Variants in WDR49 observed in about 807,000 individuals in gnomAD.
WDR49 encodes WD repeat domain 49.
Under a neutral mutation model 119.5 loss-of-function variants are expected in WDR49, and 107 were observed. The observed-to-expected ratio is 0.90, with a 90% CI of 0.77 to 1.05. The LOEUF (loss-of-function observed/expected upper bound fraction) is 1.05, where lower values mean the gene tolerates loss of function less well. Among genes scored for constraint, WDR49 ranks in the 50% least tolerant of loss-of-function variants. The pLI, the probability that WDR49 is intolerant of heterozygous loss-of-function variation, is 0.00. For missense variants in WDR49, 1,240 were observed against 1,220.5 expected, an observed-to-expected ratio of 1.02 and a Z score of -0.24; for synonymous variants, 425 against 418.8, an observed-to-expected ratio of 1.01 and a Z score of -0.18.
intron 18 of WDR49, among the ~76,000 whole-genome samples, chr3:167,492,800 C>T (rs533287031): frequency 6.6e-6 from 1 of 152,146 alleles, no homozygotes; most frequent in African/African-American, 2.4e-5. Context: ...GGCTTATTCT[C>T]TTTATAAATT....
chr3:167,540,529 T>C (rs1711752177), intron 10 of WDR49, among the ~76,000 whole-genome samples: 1 of 152,114 alleles, frequency 6.6e-6, no homozygotes. Context: ...CCCCACCCCA[T>C]GGGACAAAAG....
At chr3:167,556,512 G>T (rs1008802449) in intron 9 of WDR49, among the ~76,000 whole-genome samples, 2 of 152,244 alleles carry the variant, frequency 1.3e-5, no homozygotes, top group Non-Finnish European at 2.9e-5. Flanking sequence ...AGCATCATTA[G>T]ATTAGTAGCA....
chr3:167,492,704 G>A (rs1388454936), intron 18 of WDR49, among the ~76,000 whole-genome samples: 2 of 152,088 alleles, frequency 1.3e-5, no homozygotes, highest in Non-Finnish European at 2.9e-5. Flanking sequence ...AATTGCTTAA[G>A]TTTACAAAGC....
chr3:167,490,299 C>CTG lies in WDR49; in HGVS notation c.3031+9852_3031+9853dup, dbSNP rs1369035956. ...TGTTTTATAGACCCAAAATTTTGGTCTGTGTGTGTTGTATTTGTGAATTTT... is the reference window on the plus strand; with the variant it reads ...TGTTTTATAGACCCAAAATTTTGGTCTGTGTGTGTGTTGTATTTGTGAATTTT... On this transcript the variant is annotated intron_variant, in intron 18 of 18. Coordinates refer to ENST00000682715, the MANE Select transcript of WDR49 (RefSeq NM_001366157.1). Among the ~76,000 whole-genome samples, 8 of 151,900 alleles carry CTG rather than the reference C, an allele frequency of 5.3e-5. 1 individual carries two copies. Among genetic ancestry groups the CTG allele is most frequent in the Non-Finnish European group, 8.8e-5 (6 of 67,982 alleles).
intron 15 of WDR49, 34 bp from the exon 16 acceptor site, chr3:167,522,518 T>A: frequency 1.3e-6 from 2 of 1,573,796 alleles, no homozygotes; most frequent in Non-Finnish European, 1.7e-6. Context: ...TTTATTTTTA[T>A]GAAATTTATT....
chr3:167,576,876 T>C (rs1714277381), intron 7 of WDR49, among the ~76,000 whole-genome samples: 2 of 152,160 alleles, frequency 1.3e-5, no homozygotes, highest in African/African-American at 4.8e-5. Flanking sequence ...CATGTGTGTA[T>C]ACATATATAT....
At chr3:167,638,425 T>C (rs1717723066) in intron 2 of WDR49, among the ~76,000 whole-genome samples, 1 of 151,604 alleles carries the variant, frequency 6.6e-6, no homozygotes, top group Non-Finnish European at 1.5e-5. Flanking sequence ...TGCAGCCTTT[T>C]CCCCTATAAC....
chr3:167,575,654 T>C (rs1337570452), intron 8 of WDR49, among the ~76,000 whole-genome samples: 1 of 152,226 alleles, frequency 6.6e-6, no homozygotes, highest in African/African-American at 2.4e-5. Context: ...TCAATTATAT[T>C]ACAGGTTGTT....
chr3:167,553,757 A>G (rs954429486), intron 10 of WDR49, among the ~76,000 whole-genome samples: 1 of 152,062 alleles, frequency 6.6e-6, no homozygotes, highest in Non-Finnish European at 1.5e-5. Context: ...TTAGTTCTTA[A>G]TATCAAGTAG....
intron 1 of WDR49, 45 bp from the exon 2 acceptor site, chr3:167,653,544 G>GGTTTGTACTTTCATTT: frequency 1.6e-6 from 2 of 1,271,422 alleles, no homozygotes; most frequent in Non-Finnish European, 2.1e-6. Flanking sequence ...CAAAATGAAA[G>GGTTTGTACTTTCATTT]TACAAACCTT....
chr3:167,541,148 A>G (rs1468607261), intron 10 of WDR49, among the ~76,000 whole-genome samples: 1 of 152,184 alleles, frequency 6.6e-6, no homozygotes, highest in Non-Finnish European at 1.5e-5. Flanking sequence ...ATTGAGGAAA[A>G]CTTCCATGAC....
chr3:167,570,833 C>G (rs532865255), intron 8 of WDR49, among the ~76,000 whole-genome samples: 4 of 152,056 alleles, frequency 2.6e-5, no homozygotes, highest in Non-Finnish European at 5.9e-5. Context: ...GTCAGGAGTT[C>G]GAGACCAGCC....
intron 16 of WDR49, among the ~76,000 whole-genome samples, chr3:167,521,683 G>T (rs1293346303): frequency 6.6e-6 from 1 of 151,966 alleles, no homozygotes; most frequent in Non-Finnish European, 1.5e-5. Flanking sequence ...ATCTCTACAA[G>T]AATAAAATAG....
chr3:167,514,191 T>C (rs1752103213), intron 16 of WDR49, among the ~76,000 whole-genome samples: 1 of 152,154 alleles, frequency 6.6e-6, no homozygotes, highest in South Asian at 2.1e-4. Flanking sequence ...TCCTCTAAAA[T>C]TGATCACATA....
chr3:167,583,758 T>G (rs553348445), intron 7 of WDR49, among the ~76,000 whole-genome samples: 2 of 152,280 alleles, frequency 1.3e-5, no homozygotes, highest in South Asian at 2.1e-4. Context: ...ACAACTGAGA[T>G]GCAGAATGCA....
chr3:167,601,911 A>C (rs1715788929), intron 7 of WDR49, among the ~76,000 whole-genome samples: 1 of 152,166 alleles, frequency 6.6e-6, no homozygotes, highest in Admixed American at 6.6e-5. Context: ...TGATTTGAAA[A>C]AATTTAATGA....
intron 3 of WDR49, among the ~76,000 whole-genome samples, chr3:167,625,518 C>T (rs1312195168): frequency 1.3e-5 from 2 of 151,968 alleles, no homozygotes; most frequent in African/African-American, 4.8e-5. Context: ...ATTTGTACCA[C>T]TTGATAACTG....
At chr3:167,547,087 C>T (rs1712251903) in intron 10 of WDR49, among the ~76,000 whole-genome samples, 1 of 151,816 alleles carries the variant, frequency 6.6e-6, no homozygotes, top group Non-Finnish European at 1.5e-5. Flanking sequence ...TCCAATATGG[C>T]TATTCTAAAA....
chr3:167,649,819 A>C (rs1718287039), intron 2 of WDR49, among the ~76,000 whole-genome samples: 1 of 152,202 alleles, frequency 6.6e-6, no homozygotes, highest in African/African-American at 2.4e-5. Flanking sequence ...AAGATTTAGT[A>C]GGGCTTGGGC....
Sources: allele counts gnomAD v4.1 joint callset (sites outside exome capture counted in the v4.1 genomes callset), GRCh38; gene constraint gnomAD v4.1.1; transcripts MANE v1.5; gene names NCBI Gene and HGNC (gene_info 2026-07-23, HGNC 2026-07-21).